OTOGL: variants seen among roughly 807,000 people sequenced by gnomAD.
OTOGL encodes the protein otogelin-like protein.
OTOGL carries 285 observed loss-of-function variants against 318.5 expected under a neutral mutation model. That is an observed-to-expected ratio of 0.89 (90% CI 0.81 to 0.99). The LOEUF is 0.99. Among genes scored for constraint, OTOGL ranks in the 50% least tolerant of loss-of-function variants. The probability of loss-of-function intolerance (pLI) is 0.00; values close to 1 mark genes in which losing one functional copy is unlikely to be tolerated. For missense variants in OTOGL, 2,899 were observed against 2,845.6 expected, an observed-to-expected ratio of 1.02 and a Z score of -0.43; for synonymous variants, 987 against 936.5, an observed-to-expected ratio of 1.05 and a Z score of -0.99.
chr12:80,100,407 A>G (rs555236116), intron 1 of OTOGL, among the ~76,000 whole-genome samples: 1 of 152,286 alleles, frequency 6.6e-6, no homozygotes, highest in South Asian at 2.1e-4. Context: ...ATTATACATT[A>G]TATCTTTTTA....
Position 80,210,866 on chromosome 12 carries a change from T to G in OTOGL, c.99T>G (p.Ser33=). 1 of 1,484,680 alleles carries G rather than the reference T, an allele frequency of 6.7e-7. No homozygotes were observed. The allele number at this position is 1,484,680 out of a possible 1,614,324, so 92.0% of individuals were successfully genotyped here. A position where few individuals can be genotyped will look rare whatever the true frequency, so the allele number is the denominator to read the frequency against. ...TGGCAGAATATATTTGTGCATCGTC[T>G]ATATTGATGGGAACATCAAAGTGAG... The part of the protein sequence containing the change: ...FSLQEYICAS[S]ILMGTSKNGF... Residue 33 remains serine (S), a synonymous_variant, in exon 3 of 59, where the codon TCT becomes TCG. Coordinates refer to ENST00000547103, the MANE Select transcript of OTOGL (RefSeq NM_001378609.3).
chr12:80,195,481 G>A (rs1261005656), intron 1 of OTOGL, among the ~76,000 whole-genome samples: 1 of 152,186 alleles, frequency 6.6e-6, no homozygotes, highest in Non-Finnish European at 1.5e-5. Flanking sequence ...AAATAGGCTG[G>A]TTAGTAGAAT....
At chr12:80,370,856 A>G (rs1375377124) in intron 56 of OTOGL, 167 bp downstream of exon 56, 2 of 490,558 alleles carry the variant, frequency 4.1e-6, no homozygotes, top group Non-Finnish European at 6.4e-6. Context: ...TGAAATTTTG[A>G]GTTATATACG....
Position 80,356,432 on chromosome 12 carries a change from G to A in OTOGL, c.5823G>A (p.Leu1941=). ...SKEVCGCDTT[L]CETSIPTCTN... ...TATTTATAGGATGTGACACGACTTTGTGTGAAACTAGCATTCCAACATGTA... is the reference window on the plus strand; with the variant it reads ...TATTTATAGGATGTGACACGACTTTATGTGAAACTAGCATTCCAACATGTA... The change falls in exon 48 of 59, where the codon TTG becomes TTA. Residue 1941 remains leucine, a synonymous_variant. Coordinates refer to ENST00000547103, the MANE Select transcript of OTOGL (RefSeq NM_001378609.3). 1.9e-6 allele frequency: 3 copies of A among 1,610,458 alleles called. No individual in the cohort carries two copies. The highest frequency in any genetic ancestry group is 1.3e-5 in the African/African-American group (1 of 74,896).
chr12:80,258,556 T>C (rs1343038712), intron 18 of OTOGL, among the ~76,000 whole-genome samples: 1 of 152,150 alleles, frequency 6.6e-6, no homozygotes, highest in Non-Finnish European at 1.5e-5. Flanking sequence ...GTACCCCTTG[T>C]ATTGACCAGG....
At chr12:80,186,999 A>C (rs1235658344) in intron 1 of OTOGL, among the ~76,000 whole-genome samples, 2 of 152,158 alleles carry the variant, frequency 1.3e-5, no homozygotes, top group African/African-American at 4.8e-5. Flanking sequence ...TTGTTTGTTT[A>C]TGGAGATAGA....
At chr12:80,139,336 C>A (rs554320737) in intron 1 of OTOGL, among the ~76,000 whole-genome samples, 1 of 152,256 alleles carries the variant, frequency 6.6e-6, no homozygotes, top group African/African-American at 2.4e-5. Flanking sequence ...CTGTAGCAAT[C>A]CATTTTCATT....
chr12:80,335,113 T>C (rs1177523510), intron 38 of OTOGL, among the ~76,000 whole-genome samples: 1 of 152,146 alleles, frequency 6.6e-6, no homozygotes, highest in Admixed American at 6.5e-5. Flanking sequence ...TAGTGTATGG[T>C]ATGTAATAGG....
At chr12:80,178,976 CTG>C (rs1044495060) in intron 1 of OTOGL, among the ~76,000 whole-genome samples, 1 of 152,012 alleles carries the variant, frequency 6.6e-6, no homozygotes, top group Non-Finnish European at 1.5e-5. Context: ...AATATTGAAA[CTG>C]TTGTGGTTTA....
chr12:80,334,341 C>A (rs368621963), intron 38 of OTOGL, among the ~76,000 whole-genome samples: 54 of 152,248 alleles, frequency 3.5e-4, no homozygotes, highest in African/African-American at 1.1e-3. Context: ...TTGGGGAGTG[C>A]ATGTCTGGGA....
At position 80,125,054 on chromosome 12, in the gene OTOGL, G is replaced by C. The variant is rs556451109; in HGVS notation, c.-20+25449G>C. On this transcript the variant is annotated intron_variant, in intron 1 of 58. Transcript: ENST00000547103. ...TTCCCTTCTCCTGCCTAATGGCCCTGGCCAGACTTCCAATAGTATATTGAA... is the reference window on the plus strand; with the variant it reads ...TTCCCTTCTCCTGCCTAATGGCCCTCGCCAGACTTCCAATAGTATATTGAA... Among the ~76,000 whole-genome samples, 192 of 152,290 alleles carry C rather than the reference G, an allele frequency of 1.3e-3. 1 individual carries two copies. Among genetic ancestry groups the C allele is most frequent in the Admixed American group, 1.8e-3 (28 of 15,288 alleles).
At chr12:80,281,268 G>T (rs958585080) in intron 26 of OTOGL, among the ~76,000 whole-genome samples, 6 of 151,814 alleles carry the variant, frequency 4.0e-5, no homozygotes, top group Non-Finnish European at 5.9e-5. Context: ...TCCTTGTCTT[G>T]TTCCACTTCT....
At chr12:80,160,728 A>G (rs1354367092) in intron 1 of OTOGL, among the ~76,000 whole-genome samples, 1 of 152,168 alleles carries the variant, frequency 6.6e-6, no homozygotes, top group East Asian at 1.9e-4. Flanking sequence ...CAATCCCACT[A>G]CTGAATATTT....
chr12:80,246,107 A>G (rs1249660916), intron 11 of OTOGL, among the ~76,000 whole-genome samples: 2 of 151,740 alleles, frequency 1.3e-5, no homozygotes, highest in African/African-American at 4.9e-5. Context: ...GTCATCTGCA[A>G]ACAGGGACAA....
chr12:80,273,670 C>T (rs1398068825), intron 24 of OTOGL, among the ~76,000 whole-genome samples: 1 of 152,074 alleles, frequency 6.6e-6, no homozygotes, highest in Non-Finnish European at 1.5e-5. Flanking sequence ...AAAGCAGATA[C>T]AAGCATACTT....
At chr12:80,287,498 G>A (rs916646212) in intron 26 of OTOGL, among the ~76,000 whole-genome samples, 4 of 148,216 alleles carry the variant, frequency 2.7e-5, no homozygotes, top group African/African-American at 1.1e-4. Context: ...ACAGTGGGGT[G>A]TTAAAGTCTC....
intron 1 of OTOGL, among the ~76,000 whole-genome samples, chr12:80,128,768 G>A (rs148436864): frequency 0.019 from 2,868 of 152,220 alleles, 81 homozygotes; most frequent in African/African-American, 0.064. Flanking sequence ...CCTCGCTGCC[G>A]CCTTGCCGTT....
At chr12:80,278,418 G>A in intron 25 of OTOGL, 143 bp downstream of exon 25, 1 of 640,978 alleles carries the variant, frequency 1.6e-6, no homozygotes, top group South Asian at 2.1e-5. Flanking sequence ...AGGAGTTGGT[G>A]GACAGTTACT....
chr12:80,344,836 T>C (rs1352161311), intron 44 of OTOGL, among the ~76,000 whole-genome samples: 2 of 151,364 alleles, frequency 1.3e-5, no homozygotes, highest in Non-Finnish European at 2.9e-5. Context: ...ATCTTGCTTT[T>C]ATATTTTCTT....
Sources: allele counts gnomAD v4.1 joint callset (sites outside exome capture counted in the v4.1 genomes callset), GRCh38; gene constraint gnomAD v4.1.1; transcripts MANE v1.5; gene names NCBI Gene and HGNC (gene_info 2026-07-23, HGNC 2026-07-21).